Variants in ANK3 observed in about 807,000 individuals in gnomAD.
ANK3 encodes the protein ankyrin-3.
ANK3 carries 57 observed loss-of-function variants against 370.9 expected under a neutral mutation model. The observed-to-expected ratio is 0.15, with a 90% CI of 0.12 to 0.19. ANK3 has a LOEUF of 0.19. ANK3 is among the 10% of genes least tolerant of loss of function. The pLI is 1.00. For synonymous variants in ANK3, 1,929 were observed against 1,946.3 expected (o/e 0.99, Z 0.23); for missense variants, 4,439 against 5,302.1 (o/e 0.84, Z 5.06).
At chr10:60,096,572 C>A (rs2090176241) in intron 28 of ANK3, among the ~76,000 whole-genome samples, 1 of 152,166 alleles carries the variant, frequency 6.6e-6, no homozygotes, top group Non-Finnish European at 1.5e-5. Context: ...CTAGGCAGAC[C>A]TGGAGTGAAA....
At chr10:60,314,893 C>T (rs748765817) in intron 1 of ANK3, among the ~76,000 whole-genome samples, 13 of 152,142 alleles carry the variant, frequency 8.5e-5, no homozygotes, top group East Asian at 3.8e-4. Flanking sequence ...AAAAGGAAAA[C>T]GCTTGTGTTC....
rs1397310500 is a variant in ANK3 at position 60,469,635 on chromosome 10, ATATATATATATATATATATGGTGG to A, written c.96+145527_96+145550del. ...TATATATATATGGTGGTATATATAT[ATATATATATATATATATATGGTGG>A]TATATATATATATATATATATGGTG... On this transcript the variant is annotated intron_variant, in intron 2 of 43. Coordinates refer to the ANK3 transcript ENST00000373827. Among the ~76,000 whole-genome samples, 9 of 25,030 alleles carry A rather than the reference ATATATATATATATATATATGGTGG, an allele frequency of 3.6e-4. 3 individuals carry two copies. The highest frequency in any genetic ancestry group is 1.1e-3 in the African/African-American group (8 of 7,136). 16.4% of individuals were successfully genotyped at this position (25,030 alleles called of 152,430 possible).
chr10:60,611,327 C>T (rs1373024493), intron 2 of ANK3, among the ~76,000 whole-genome samples: 4 of 152,148 alleles, frequency 2.6e-5, no homozygotes, highest in South Asian at 4.1e-4. Context: ...CGCCCGCTGG[C>T]TCAGTTGTGA....
intron 1 of ANK3, among the ~76,000 whole-genome samples, chr10:60,658,320 A>G (rs1588983874): frequency 6.6e-6 from 1 of 151,458 alleles, no homozygotes; most frequent in East Asian, 1.9e-4. Flanking sequence ...TTTTATTGCC[A>G]CTATTGGCTT....
At chr10:60,456,066 CAT>C (rs2064739332) in intron 2 of ANK3, among the ~76,000 whole-genome samples, 2 of 152,224 alleles carry the variant, frequency 1.3e-5, no homozygotes, top group South Asian at 4.1e-4. Flanking sequence ...AAATGTCACA[CAT>C]GTGACAGAAT....
intron 2 of ANK3, among the ~76,000 whole-genome samples, chr10:60,545,573 A>G (rs1001732075): frequency 5.3e-5 from 8 of 152,172 alleles, no homozygotes; most frequent in Non-Finnish European, 8.8e-5. Flanking sequence ...GTATGATGGC[A>G]AGAACAGTTC....
At chr10:60,394,665 A>C (rs1278546054), upstream of ANK3, among the ~76,000 whole-genome samples, 5 of 152,158 alleles carry the variant, frequency 3.3e-5, no homozygotes, top group Non-Finnish European at 5.9e-5. Context: ...GAAGGCCCCC[A>C]CAACCATATC....
chr10:60,273,760 T>C (rs918813785), intron 4 of ANK3, among the ~76,000 whole-genome samples: 2 of 152,188 alleles, frequency 1.3e-5, no homozygotes, highest in African/African-American at 2.4e-5. Flanking sequence ...CACACTGTTC[T>C]TGTGGTAGTG....
intron 2 of ANK3, among the ~76,000 whole-genome samples, chr10:60,464,992 A>G (rs1215282830): frequency 6.6e-6 from 1 of 152,168 alleles, no homozygotes; most frequent in Non-Finnish European, 1.5e-5. Flanking sequence ...TGCTCCAAGC[A>G]CAGTGGCTTA....
intron 1 of ANK3, among the ~76,000 whole-genome samples, chr10:60,378,652 A>C (rs1297096618): frequency 1.3e-5 from 2 of 152,112 alleles, no homozygotes; most frequent in Non-Finnish European, 2.9e-5. Flanking sequence ...TATGCAAAAG[A>C]ATGAAGAATG....
chr10:60,629,186 A>G (rs549152286), intron 1 of ANK3, among the ~76,000 whole-genome samples: 1 of 152,298 alleles, frequency 6.6e-6, no homozygotes, highest in South Asian at 2.1e-4. Flanking sequence ...AGACCATTAA[A>G]ACAAAAACGT....
At chr10:60,489,698 C>G (rs2075443403) in intron 2 of ANK3, among the ~76,000 whole-genome samples, 1 of 152,106 alleles carries the variant, frequency 6.6e-6, no homozygotes, top group Admixed American at 6.5e-5. Flanking sequence ...TATATTTTTA[C>G]AGTCATATTT....
chr10:60,114,898 C>G (rs1258294629), intron 25 of ANK3, among the ~76,000 whole-genome samples: 3 of 152,132 alleles, frequency 2.0e-5, no homozygotes, highest in African/African-American at 7.2e-5. Flanking sequence ...TTCTGTTGCC[C>G]ATTTTTAACT....
At chr10:60,468,879 A>T (rs564288564) in intron 2 of ANK3, among the ~76,000 whole-genome samples, 1 of 149,908 alleles carries the variant, frequency 6.7e-6, no homozygotes, top group South Asian at 2.1e-4. Context: ...TAATATTCTA[A>T]TATTTCTTTG....
intron 9 of ANK3, among the ~76,000 whole-genome samples, chr10:60,210,986 G>A (rs1296572166): frequency 1.3e-5 from 2 of 152,070 alleles, no homozygotes; most frequent in Non-Finnish European, 2.9e-5. Flanking sequence ...TACTGAATGG[G>A]GAATTGGAAA....
At chr10:60,259,884 C>T (rs1009071037) in intron 7 of ANK3, among the ~76,000 whole-genome samples, 19 of 152,174 alleles carry the variant, frequency 1.2e-4, no homozygotes, top group Admixed American at 5.2e-4. Context: ...CCTGTTTATA[C>T]TTGACTTAAA....
intron 1 of ANK3, among the ~76,000 whole-genome samples, chr10:60,326,894 C>A (rs1037711895): frequency 2.0e-5 from 3 of 151,354 alleles, no homozygotes; most frequent in Admixed American, 2.0e-4. Flanking sequence ...GGTGCGGGCG[C>A]CTTTAGTCCC....
rs767790182 is a variant in ANK3, at chr10:60,074,428, T to G, written c.6453A>C (p.Pro2151=). 9 of 1,613,994 alleles carry G rather than the reference T, an allele frequency of 5.6e-6. No individual in the cohort carries two copies. The highest frequency in any genetic ancestry group is 7.6e-6 in the Non-Finnish European group (9 of 1,180,002). The change falls in exon 37 of 44, where the codon CCA becomes CCC. Residue 2151 remains proline (P), a synonymous_variant. Transcript: ENST00000280772. ...PQSAESTGPK[P]LFHEVPIPPV... The stretch of plus-strand genomic sequence containing the variant: ...GAGGGATGGGAACTTCATGAAAAAG[T>G]GGTTTAGGACCAGTGCTTTCAGCGC...
rs2097845115 is a variant in ANK3, at chr10:60,264,006, T to C, written c.528A>G (p.Pro176=). Residue 176 remains proline (P), a synonymous_variant, in exon 6 of 44, where the codon CCA becomes CCG. Coordinates refer to ENST00000280772, the MANE Select transcript of ANK3 (RefSeq NM_020987.5). ...GACCTTGTTGCAAAGCCACTGCCAATGGTGTGAAGCCATCCTGCAAATAAA... is the reference window on the plus strand; with the variant it reads ...GACCTTGTTGCAAAGCCACTGCCAACGGTGTGAAGCCATCCTGCAAATAAA... ...QSLATEDGFT[P]LAVALQQGHD... is the part of the protein sequence containing the mutation. 9 of 1,614,042 alleles carry C rather than the reference T, an allele frequency of 5.6e-6. No homozygotes were observed. The highest frequency in any genetic ancestry group is 7.6e-6 in the Non-Finnish European group (9 of 1,179,972).
Sources: gnomAD v4.1 joint callset for allele counts (sites outside exome capture counted in the v4.1 genomes callset) on GRCh38, gnomAD v4.1.1 for gene constraint, MANE v1.5 for transcripts, NCBI Gene and HGNC (gene_info 2026-07-23, HGNC 2026-07-21) for gene names.